The following FAM120B variants were observed in gnomAD, a reference collection of about 807,000 sequenced individuals.
FAM120B encodes family with sequence similarity 120 member B.
A neutral mutation model predicts 96.3 loss-of-function variants in FAM120B; 83 were observed. The ratio of observed to expected loss-of-function variants is 0.86; its 90% CI spans 0.72 to 1.03. The LOEUF (loss-of-function observed/expected upper bound fraction) is 1.03, where lower values mean the gene tolerates loss of function less well. Among genes scored for constraint, FAM120B ranks in the 50% least tolerant of loss-of-function variants. The pLI, the probability that FAM120B is intolerant of heterozygous loss-of-function variation, is 0.00. For missense variants in FAM120B, 1,027 were observed against 1,121.2 expected, an observed-to-expected ratio of 0.92 and a Z score of 1.20; for synonymous variants, 407 against 402.7, an observed-to-expected ratio of 1.01 and a Z score of -0.13.
intron 6 of FAM120B, among the ~76,000 whole-genome samples, chr6:170,364,372 G>A (rs1788645562): frequency 6.6e-6 from 1 of 152,234 alleles, no homozygotes; most frequent in African/African-American, 2.4e-5. Context: ...GTTCTGAGGG[G>A]GACTCGTGGG....
At chr6:170,297,175 G>A (rs1277779657) in intron 1 of FAM120B, among the ~76,000 whole-genome samples, 1 of 152,222 alleles carries the variant, frequency 6.6e-6, no homozygotes, top group African/African-American at 2.4e-5. Flanking sequence ...AGGGTTGGTT[G>A]GCCGTGGGCG....
chr6:170,317,287 A>G, intron 1 of FAM120B, 83 bp from the exon 2 acceptor site: 2 of 1,095,230 alleles, frequency 1.8e-6, no homozygotes, highest in Non-Finnish European at 2.7e-6. Flanking sequence ...CAGTGTGAAT[A>G]TTAACTACTG....
intron 1 of FAM120B, among the ~76,000 whole-genome samples, chr6:170,309,279 T>C (rs1214527627): frequency 6.6e-6 from 1 of 152,140 alleles, no homozygotes; most frequent in Non-Finnish European, 1.5e-5. Flanking sequence ...TATGCAAAGA[T>C]AGGTATTTCT....
chr6:170,392,202 G>A lies in FAM120B; in HGVS notation c.2599+1081G>A, dbSNP rs555152173. 7.2e-5 allele frequency among the ~76,000 whole-genome samples: 11 copies of A among 152,136 alleles called. No individual in the cohort carries two copies. In the South Asian group the frequency reaches 2.1e-3, roughly 29 times the overall value. On this transcript the variant is annotated intron_variant, in intron 8 of 10. Transcript: ENST00000476287. ...CCCTTGACACTTCTAAAAGTCTGGG[G>A]GTTTTTTGCTTTTTGTTTTTTTGAG... is the stretch of plus-strand genomic sequence containing the variant.
At position 170,329,509 on chromosome 6, in the gene FAM120B, C is replaced by T. The variant is rs76332861; in HGVS notation, c.1916-940C>T. Among the ~76,000 whole-genome samples, 7,646 of 152,230 alleles carry T rather than the reference C, an allele frequency of 0.05. 1,066 individuals carry two copies. The East Asian group carries it at 0.57, about 11-fold the overall frequency. On this transcript the variant is annotated intron_variant, in intron 3 of 10. Coordinates refer to ENST00000476287, the MANE Select transcript of FAM120B (RefSeq NM_032448.3). ...AGTGGCTCTGCTCGATCACAGTCAC[C>T]CCCGCGGTCCTGTGGCATCACAGGT...
chr6:170,355,443 A>T (rs1787845359), intron 5 of FAM120B, among the ~76,000 whole-genome samples: 1 of 152,212 alleles, frequency 6.6e-6, no homozygotes, highest in African/African-American at 2.4e-5. Context: ...GGAGGTCATT[A>T]TCCTCAGCAA....
At chr6:170,402,444 A>G (rs1237036820) in intron 9 of FAM120B, among the ~76,000 whole-genome samples, 1 of 152,256 alleles carries the variant, frequency 6.6e-6, no homozygotes, top group Non-Finnish European at 1.5e-5. Context: ...AAAGTGAGTT[A>G]GTAGCTCTTC....
chr6:170,329,256 G>A (rs1366274868), intron 3 of FAM120B, among the ~76,000 whole-genome samples: 2 of 152,232 alleles, frequency 1.3e-5, no homozygotes, highest in Non-Finnish European at 1.5e-5. Context: ...CCTCATCTGA[G>A]GAACTACCTC....
chr6:170,342,736 C>T (rs1270117752), intron 4 of FAM120B, among the ~76,000 whole-genome samples: 2 of 152,158 alleles, frequency 1.3e-5, no homozygotes, highest in African/African-American at 4.8e-5. Context: ...AATTGTGTAC[C>T]GGGGTTTTTG....
chr6:170,338,550 C>G (rs988102996), intron 4 of FAM120B, among the ~76,000 whole-genome samples: 3 of 152,144 alleles, frequency 2.0e-5, no homozygotes, highest in African/African-American at 7.2e-5. Flanking sequence ...CTTAGGTCTA[C>G]TTGGTCCAGA....
chr6:170,355,990 G>A (rs1182026755), intron 5 of FAM120B, among the ~76,000 whole-genome samples: 1 of 152,138 alleles, frequency 6.6e-6, no homozygotes, highest in Admixed American at 6.5e-5. Context: ...GGGACACACC[G>A]CCTGCTGTTC....
intron 6 of FAM120B, among the ~76,000 whole-genome samples, chr6:170,364,380 G>A (rs1788646349): frequency 6.6e-6 from 1 of 152,150 alleles, no homozygotes; most frequent in South Asian, 2.1e-4. Context: ...GGGGACTCGT[G>A]GGTGAGAAGC....
rs75191948 is a variant in FAM120B at position 170,310,189 on chromosome 6, G to A, written c.-22+3347G>A. On this transcript the variant is annotated intron_variant, in intron 1 of 10. Coordinates refer to ENST00000476287, the MANE Select transcript of FAM120B (RefSeq NM_032448.3). ...ATAAAAGCCTAAATAAGTGTCTTGT[G>A]AGTAAGTTGTTTATGCTGCATCAGC... Among the ~76,000 whole-genome samples the A allele has an allele frequency of 7.2e-4, 109 of 152,338 alleles. 7 individuals are homozygous for A. In the East Asian group the frequency reaches 0.021, roughly 29 times the overall value.
chr6:170,338,776 A>G (rs548556236), intron 4 of FAM120B, among the ~76,000 whole-genome samples: 3 of 149,946 alleles, frequency 2.0e-5, no homozygotes, highest in Non-Finnish European at 4.4e-5. Flanking sequence ...ATTATGTAAT[A>G]CCGCTTTGTC....
At chr6:170,299,183 GTTTT>G (rs1010559816) in intron 1 of FAM120B, among the ~76,000 whole-genome samples, 1 of 151,978 alleles carries the variant, frequency 6.6e-6, no homozygotes, top group Non-Finnish European at 1.5e-5. Context: ...TTGTGGGAAG[GTTTT>G]TTTTATTGTT....
At chr6:170,376,525 C>A (rs1789528256) in intron 6 of FAM120B, among the ~76,000 whole-genome samples, 1 of 152,024 alleles carries the variant, frequency 6.6e-6, no homozygotes, top group Non-Finnish European at 1.5e-5. Flanking sequence ...AATGGTAGAG[C>A]AGAGAGCGCT....
chr6:170,330,413 C>A (rs781162239), intron 3 of FAM120B, 36 bp from the exon 4 acceptor site: 10 of 1,488,220 alleles, frequency 6.7e-6, no homozygotes, highest in South Asian at 1.1e-5. Context: ...CGATGCATGC[C>A]CTCATGCATC....
At chr6:170,355,479 T>C (rs1787849188) in intron 5 of FAM120B, among the ~76,000 whole-genome samples, 2 of 151,718 alleles carry the variant, frequency 1.3e-5, no homozygotes, top group African/African-American at 4.8e-5. Context: ...GAAAACCAAA[T>C]ATTGCATGTT....
At chr6:170,327,131 C>G (rs2115052301) in intron 3 of FAM120B, among the ~76,000 whole-genome samples, 1 of 152,092 alleles carries the variant, frequency 6.6e-6, no homozygotes, top group African/African-American at 2.4e-5. Flanking sequence ...ACTGCAAGCT[C>G]CGCCTCCCGG....
Sources: gnomAD v4.1 joint callset for allele counts (sites outside exome capture counted in the v4.1 genomes callset) on GRCh38, gnomAD v4.1.1 for gene constraint, MANE v1.5 for transcripts, NCBI Gene and HGNC (gene_info 2026-07-23, HGNC 2026-07-21) for gene names.